PRKCA: variants seen among roughly 807,000 people sequenced by gnomAD.
PRKCA encodes protein kinase C alpha.
Under a neutral mutation model 87.0 loss-of-function variants are expected in PRKCA, and 27 were observed. The ratio of observed to expected loss-of-function variants is 0.31; its 90% confidence interval spans 0.23 to 0.43. The LOEUF (loss-of-function observed/expected upper bound fraction) is 0.43. PRKCA is among the 20% of genes least tolerant of loss of function. The pLI, the probability that PRKCA is intolerant of heterozygous loss-of-function variation, is 1.00. For synonymous variants in PRKCA, 329 were observed against 311.1 expected, an observed-to-expected ratio of 1.06 and a Z score of -0.61; for missense variants, 518 against 852.3, an observed-to-expected ratio of 0.61 and a Z score of 4.88.
rs1457956160 is a variant in PRKCA, at chr17:66,356,173, A to T, written c.205+50046A>T. On this transcript the variant is annotated intron_variant, in intron 2 of 16. Transcript: ENST00000413366. Reference sequence around the variant, plus strand: ...CTCAGCCTCCCAAAGTGCTGGGATTATAGGCATTAGCCACCACGCCCATCG... The same window carrying T: ...CTCAGCCTCCCAAAGTGCTGGGATTTTAGGCATTAGCCACCACGCCCATCG... Among the ~76,000 whole-genome samples, 3 of 152,194 alleles carry T rather than the reference A, an allele frequency of 2.0e-5. No individual in the cohort carries two copies. The South Asian group carries it at 6.2e-4, about 32-fold the overall frequency.
At chr17:66,718,742 A>C (rs1315257552) in intron 8 of PRKCA, among the ~76,000 whole-genome samples, 1 of 152,202 alleles carries the variant, frequency 6.6e-6, no homozygotes, top group Admixed American at 6.5e-5. Context: ...GGATTTCAAC[A>C]TGTGAATTTG....
At chr17:66,570,195 G>A (rs1969035087) in intron 3 of PRKCA, among the ~76,000 whole-genome samples, 1 of 152,148 alleles carries the variant, frequency 6.6e-6, no homozygotes, top group Admixed American at 6.5e-5. Context: ...TAGTGCCTAG[G>A]GGTCAAGGTA....
At chr17:66,762,571 A>G (rs760455417) in intron 13 of PRKCA, among the ~76,000 whole-genome samples, 7 of 152,178 alleles carry the variant, frequency 4.6e-5, no homozygotes, top group Non-Finnish European at 1.0e-4. Context: ...ATTAGGAAGT[A>G]TCTCGATTGA....
chr17:66,731,543 T>C (rs1973894232), intron 8 of PRKCA, among the ~76,000 whole-genome samples: 1 of 151,962 alleles, frequency 6.6e-6, no homozygotes, highest in Admixed American at 6.6e-5. Flanking sequence ...CTCAGCCCAC[T>C]CCAGGCTTCT....
chr17:66,497,233 C>G (rs533469289), intron 3 of PRKCA, among the ~76,000 whole-genome samples: 3 of 152,134 alleles, frequency 2.0e-5, no homozygotes, highest in Non-Finnish European at 2.9e-5. Context: ...CACGGTGGCT[C>G]ACGCCTGTAA....
chr17:66,739,550 C>A (rs766341430), intron 11 of PRKCA, among the ~76,000 whole-genome samples: 1 of 152,100 alleles, frequency 6.6e-6, no homozygotes, highest in Non-Finnish European at 1.5e-5. Context: ...ATTAATAGTG[C>A]GTTGCTGTAA....
intron 5 of PRKCA, among the ~76,000 whole-genome samples, chr17:66,653,851 C>A (rs1003534302): frequency 4.7e-5 from 7 of 147,910 alleles, no homozygotes; most frequent in South Asian, 2.2e-4. Context: ...TGAGAAACTA[C>A]TTCCTTTAGT....
chr17:66,424,982 G>C (rs1003148373), intron 2 of PRKCA, among the ~76,000 whole-genome samples: 1 of 151,798 alleles, frequency 6.6e-6, no homozygotes, highest in Non-Finnish European at 1.5e-5. Flanking sequence ...GGCTGGTCTC[G>C]AACTCCTGGG....
intron 8 of PRKCA, among the ~76,000 whole-genome samples, chr17:66,692,314 C>T (rs1159313389): frequency 6.6e-6 from 1 of 152,236 alleles, no homozygotes; most frequent in Non-Finnish European, 1.5e-5. Flanking sequence ...TAAAAAAACA[C>T]AACTGCAAGA....
chr17:66,797,981 A>G (rs1442610921), intron 16 of PRKCA, among the ~76,000 whole-genome samples: 1 of 152,240 alleles, frequency 6.6e-6, no homozygotes, highest in African/African-American at 2.4e-5. Context: ...GGTGGCCTAC[A>G]GCTCTGAGGC....
At chr17:66,749,783 GA>G (rs1974389314) in intron 13 of PRKCA, among the ~76,000 whole-genome samples, 1 of 152,176 alleles carries the variant, frequency 6.6e-6, no homozygotes, top group Admixed American at 6.5e-5. Flanking sequence ...TGGAGACTGA[GA>G]GGGGTGGAAC....
rs182667479 is a variant in PRKCA at position 66,365,326 on chromosome 17, A to G, written c.205+59199A>G. ...ACGGGAGGGAGGAGAGAGAAGTGGG[A>G]GGAAGGTGTATCCGTCTTGCTGGCT... On this transcript the variant is annotated intron_variant, in intron 2 of 16. Transcript: ENST00000413366. Among the ~76,000 whole-genome samples the G allele has an allele frequency of 1.8e-4, 28 of 152,284 alleles. No individual in the cohort carries two copies. In the East Asian group the frequency reaches 5.2e-3, roughly 28 times the overall value.
intron 4 of PRKCA, among the ~76,000 whole-genome samples, chr17:66,641,848 A>G (rs1165655420): frequency 6.6e-6 from 1 of 152,070 alleles, no homozygotes; most frequent in Non-Finnish European, 1.5e-5. Context: ...AACCCTACTC[A>G]TTATCTTCCT....
intron 5 of PRKCA, among the ~76,000 whole-genome samples, chr17:66,654,433 G>GCAGCAC (rs1158316592): frequency 2.6e-5 from 4 of 152,148 alleles, no homozygotes; most frequent in African/African-American, 9.7e-5. Context: ...AGCAGCAGCA[G>GCAGCAC]CAGCATCATT....
intron 2 of PRKCA, among the ~76,000 whole-genome samples, chr17:66,307,828 A>C (rs1299454418): frequency 1.3e-5 from 2 of 152,216 alleles, no homozygotes; most frequent in Non-Finnish European, 2.9e-5. Flanking sequence ...AACTGTATAA[A>C]ATAAAAAGTG....
chr17:66,698,548 A>G (rs143059513), intron 8 of PRKCA, among the ~76,000 whole-genome samples: 1 of 152,218 alleles, frequency 6.6e-6, no homozygotes, highest in African/African-American at 2.4e-5. Context: ...TTACCAAGTC[A>G]GAAGAAAACA....
intron 2 of PRKCA, among the ~76,000 whole-genome samples, chr17:66,451,351 T>TATTA (rs1914306103): frequency 2.0e-5 from 2 of 98,504 alleles, no homozygotes; most frequent in South Asian, 5.6e-4. Context: ...AGAATTTATT[T>TATTA]ATTTATTTAT....
At chr17:66,534,829 A>G (rs1344425838) in intron 3 of PRKCA, among the ~76,000 whole-genome samples, 1 of 152,200 alleles carries the variant, frequency 6.6e-6, no homozygotes, top group Non-Finnish European at 1.5e-5. Flanking sequence ...TGACAGTGAC[A>G]TGAAGGGGAA....
chr17:66,316,058 G>A (rs1342464781), intron 2 of PRKCA, among the ~76,000 whole-genome samples: 2 of 152,170 alleles, frequency 1.3e-5, no homozygotes, highest in Non-Finnish European at 1.5e-5. Flanking sequence ...GGGCTTTGTA[G>A]GTTGCTAGAA....
Sources: allele counts gnomAD v4.1 joint callset (sites outside exome capture counted in the v4.1 genomes callset), GRCh38; gene constraint gnomAD v4.1.1; transcripts MANE v1.5; gene names NCBI Gene and HGNC (gene_info 2026-07-23, HGNC 2026-07-21).